LRIF1: variants seen among roughly 807,000 people sequenced by gnomAD.
LRIF1 encodes the protein ligand-dependent nuclear receptor-interacting factor 1.
A neutral mutation model predicts 52.7 loss-of-function variants in LRIF1; 32 were observed. That is an observed-to-expected ratio of 0.61 (90% confidence interval 0.46 to 0.82). The LOEUF (loss-of-function observed/expected upper bound fraction) is 0.82. Ranked by LOEUF, LRIF1 falls within the 40% of genes least tolerant of loss-of-function variation. The probability of loss-of-function intolerance (pLI) is 0.00; values close to 1 mark genes in which losing one functional copy is unlikely to be tolerated. For missense variants in LRIF1, 887 were observed against 892.0 expected (o/e 0.99, Z 0.07); for synonymous variants, 323 against 317.4 (o/e 1.02, Z -0.19).
chr1:110,897,479 A>G, the LRIF1 span, among the ~76,000 whole-genome samples: 1 of 152,218 alleles, frequency 6.6e-6, no homozygotes, highest in East Asian at 1.9e-4. Context: ...TGCATGCCCT[A>G]TGTTAATCTC....
In LRIF1 at chr1:110,963,620, C is replaced by G. The variant is rs1275713097; in HGVS notation, c.68+1G>C. On this transcript the variant is annotated splice_donor_variant, in intron 1 of 3. Coordinates refer to ENST00000369763, the MANE Select transcript of LRIF1 (RefSeq NM_018372.4). LOFTEE classifies it high-confidence loss of function. Reference sequence around the variant, plus strand: ...GGGGAGGATTCGAAACCGGTACTTACCAACGCGAGGCGTTGCCTGAATTTT... The same window carrying G: ...GGGGAGGATTCGAAACCGGTACTTAGCAACGCGAGGCGTTGCCTGAATTTT... 6.2e-7 allele frequency: 1 copy of G among 1,608,634 alleles called. No homozygotes were observed. Among genetic ancestry groups the G allele is most frequent in the Admixed American group, 1.7e-5 (1 of 59,836 alleles).
chr1:110,907,815 AC>A, the LRIF1 span, among the ~76,000 whole-genome samples: 17 of 152,280 alleles, frequency 1.1e-4, no homozygotes, highest in East Asian at 1.7e-3. Flanking sequence ...CCACTCACAC[AC>A]ACCAACCCAC....
chr1:110,894,982 G>A, the LRIF1 span: 1 of 1,613,998 alleles, frequency 6.2e-7, no homozygotes, highest in Admixed American at 1.7e-5. Flanking sequence ...GTGGCTAAGG[G>A]TCTGACCGAC....
At chr1:110,875,300 T>G in the LRIF1 span, among the ~76,000 whole-genome samples, 1 of 152,094 alleles carries the variant, frequency 6.6e-6, no homozygotes, top group African/African-American at 2.4e-5. Context: ...CACCAGAAAG[T>G]GGAGGGCAAG....
downstream of LRIF1, chr1:110,944,716 T>G (rs966195185): frequency 6.6e-5 from 10 of 152,156 alleles, no homozygotes; most frequent in Admixed American, 5.9e-4. Flanking sequence ...ATTAAAAATT[T>G]TAAAAACAAA....
Position 110,963,612 on chromosome 1 carries a change from G to T in LRIF1, c.68+9C>A. On this transcript the variant is annotated intron_variant, in intron 1 of 3. Coordinates refer to ENST00000369763, the MANE Select transcript of LRIF1 (RefSeq NM_018372.4). Reference sequence around the variant, plus strand: ...GCAGCCGTGGGGAGGATTCGAAACCGGTACTTACCAACGCGAGGCGTTGCC... The same window carrying T: ...GCAGCCGTGGGGAGGATTCGAAACCTGTACTTACCAACGCGAGGCGTTGCC... The T allele has an allele frequency of 1.9e-6, 3 of 1,604,554 alleles. No homozygotes were observed. The highest frequency in any genetic ancestry group is 2.6e-6 in the Non-Finnish European group (3 of 1,172,634).
At chr1:110,894,554 G>GA in the LRIF1 span, among the ~76,000 whole-genome samples, 97,365 of 151,856 alleles carry the variant, frequency 0.64, 33,244 homozygotes, top group Non-Finnish European at 0.77. Flanking sequence ...TAATTGGGGG[G>GA]AAAATTTGTA....
At chr1:110,890,695 T>C in the LRIF1 span, among the ~76,000 whole-genome samples, 1 of 152,176 alleles carries the variant, frequency 6.6e-6, no homozygotes, top group African/African-American at 2.4e-5. Context: ...ACTAAGAAAA[T>C]GATATTCTAG....
chr1:110,886,873 T>A, the LRIF1 span, among the ~76,000 whole-genome samples: 225 of 82,728 alleles, frequency 2.7e-3, no homozygotes, highest in South Asian at 6.1e-3. Flanking sequence ...ATATATATTT[T>A]TTTTTTCTGT....
At chr1:110,897,912 G>T in the LRIF1 span, 1 of 1,416,144 alleles carries the variant, frequency 7.1e-7, no homozygotes, top group Non-Finnish European at 9.9e-7. Context: ...TAACCACAGG[G>T]TTATTGTGAG....
the LRIF1 span, among the ~76,000 whole-genome samples, chr1:110,903,724 T>C: frequency 6.6e-6 from 1 of 152,186 alleles, no homozygotes; most frequent in African/African-American, 2.4e-5. Context: ...TGGCTGAAAC[T>C]CCTTCTACTT....
intron 3 of LRIF1, among the ~76,000 whole-genome samples, chr1:110,949,513 G>A (rs993864702): frequency 4.6e-5 from 7 of 150,944 alleles, no homozygotes; most frequent in African/African-American, 1.7e-4. Flanking sequence ...TCCGCCTCCC[G>A]GGTTCAAGTG....
chr1:110,907,577 C>A, the LRIF1 span, among the ~76,000 whole-genome samples: 18 of 151,850 alleles, frequency 1.2e-4, no homozygotes, highest in South Asian at 2.1e-4. Context: ...ACTAAAAATA[C>A]AAAAAAAATT....
chr1:110,917,039 C>T, the LRIF1 span, among the ~76,000 whole-genome samples: 1 of 152,150 alleles, frequency 6.6e-6, no homozygotes, highest in Non-Finnish European at 1.5e-5. Context: ...GGCAGAGTCA[C>T]CATATTTGCT....
At chr1:110,913,493 T>C in the LRIF1 span, among the ~76,000 whole-genome samples, 1 of 152,194 alleles carries the variant, frequency 6.6e-6, no homozygotes, top group African/African-American at 2.4e-5. Context: ...ACAAAGTATA[T>C]GGTCAGACAC....
the LRIF1 span, among the ~76,000 whole-genome samples, chr1:110,917,624 T>A: frequency 7.1e-6 from 1 of 141,324 alleles, no homozygotes; most frequent in Admixed American, 7.6e-5. Flanking sequence ...TTAAGGAGCT[T>A]ATTTTTTTTG....
chr1:110,912,962 G>A, the LRIF1 span, among the ~76,000 whole-genome samples: 2 of 152,178 alleles, frequency 1.3e-5, no homozygotes, highest in African/African-American at 2.4e-5. Context: ...AAACAGTATG[G>A]TACTGGTACA....
At chr1:110,906,832 A>C in the LRIF1 span, among the ~76,000 whole-genome samples, 3 of 152,206 alleles carry the variant, frequency 2.0e-5, no homozygotes. Flanking sequence ...CTGATTCTAA[A>C]ATTTACATGT....
At chr1:110,905,889 A>G in the LRIF1 span, among the ~76,000 whole-genome samples, 1,893 of 152,322 alleles carry the variant, frequency 0.012, 17 homozygotes, top group Non-Finnish European at 0.019. Flanking sequence ...AAAGAGCAGA[A>G]GGATGAAGTT....
Sources: gnomAD v4.1 joint callset for allele counts (sites outside exome capture counted in the v4.1 genomes callset) on GRCh38, gnomAD v4.1.1 for gene constraint, MANE v1.5 for transcripts, NCBI Gene and HGNC (gene_info 2026-07-23, HGNC 2026-07-21) for gene names.